Variants in CDH26 observed in about 807,000 individuals in gnomAD.
The protein encoded by CDH26 is cadherin-like protein 26.
CDH26 carries 83 observed loss-of-function variants against 90.3 expected under a neutral mutation model. That is an observed-to-expected ratio of 0.92 (90% CI 0.77 to 1.10). The LOEUF (loss-of-function observed/expected upper bound fraction) is 1.10, where lower values mean the gene tolerates loss of function less well. Among genes scored for constraint, CDH26 ranks in the 50% least tolerant of loss-of-function variants. CDH26 has a pLI of 0.00. For missense variants in CDH26, 1,013 were observed against 1,037.6 expected, an observed-to-expected ratio of 0.98 and a Z score of 0.33; for synonymous variants, 397 against 396.3, an observed-to-expected ratio of 1.00 and a Z score of -0.02.
intron 4 of CDH26, among the ~76,000 whole-genome samples, chr20:59,974,654 G>T (rs1032388041): frequency 6.6e-6 from 1 of 152,154 alleles, no homozygotes; most frequent in Admixed American, 6.5e-5. Flanking sequence ...CCCATGTTCT[G>T]ATCCCCCAAA....
intron 3 of CDH26, among the ~76,000 whole-genome samples, chr20:59,970,956 G>A (rs924546141): frequency 6.6e-6 from 1 of 152,098 alleles, no homozygotes; most frequent in African/African-American, 2.4e-5. Context: ...ATTAGGCGGG[G>A]CTTGAGTTAC....
chr20:59,967,719 C>CTCTT (rs144930327), intron 1 of CDH26, among the ~76,000 whole-genome samples: 1,537 of 150,202 alleles, frequency 0.01, 14 homozygotes, highest in South Asian at 0.039. Context: ...ACCATTCTCT[C>CTCTT]TCTTTCTTTC....
At chr20:59,959,013 A>C (rs1003424437) in intron 1 of CDH26, among the ~76,000 whole-genome samples, 1 of 152,232 alleles carries the variant, frequency 6.6e-6, no homozygotes, top group Non-Finnish European at 1.5e-5. Flanking sequence ...CAGTGGGAGC[A>C]GGCTAAGGGA....
chr20:59,988,999 G>A lies in CDH26; in HGVS notation c.1119G>A (p.Pro373=), dbSNP rs763693105. The change falls in exon 9 of 18, where the codon CCG becomes CCA. Residue 373 remains proline, a synonymous_variant. Transcript: ENST00000348616. ...LVFCERGKLQ[P]PRKAAASATV... ...TCTGTGAGAGAGGAAAGCTTCAGCC[G>A]CCAAGGAAGGCAGCAGCCAGCGCCA... The A allele has an allele frequency of 8.7e-6, 14 of 1,614,032 alleles. No individual in the cohort carries two copies. The highest frequency in any genetic ancestry group is 1.6e-4 in the Middle Eastern group (1 of 6,084).
At chr20:59,983,741 T>G (rs938606688) in intron 5 of CDH26, among the ~76,000 whole-genome samples, 1 of 152,240 alleles carries the variant, frequency 6.6e-6, no homozygotes, top group Non-Finnish European at 1.5e-5. Context: ...TACATACATT[T>G]TTTCATCTTT....
chr20:60,009,552 C>G (rs2061802120), intron 17 of CDH26, among the ~76,000 whole-genome samples: 1 of 152,300 alleles, frequency 6.6e-6, no homozygotes, highest in Middle Eastern at 3.4e-3. Flanking sequence ...GCGGGCCCCC[C>G]TCCTCCCTCT....
At chr20:59,985,155 T>A in intron 7 of CDH26, 26 bp downstream of exon 7, 1 of 1,611,746 alleles carries the variant, frequency 6.2e-7, no homozygotes, top group Non-Finnish European at 8.5e-7. Context: ...CGCCCCAACG[T>A]CTAAGCCCCA....
intron 9 of CDH26, among the ~76,000 whole-genome samples, chr20:59,990,933 A>G (rs1300777003): frequency 2.0e-5 from 3 of 150,770 alleles, no homozygotes; most frequent in Non-Finnish European, 4.4e-5. Flanking sequence ...GCAGTGGCAT[A>G]ATCTTGACTC....
chr20:60,016,136 T>A (rs774620663), downstream of CDH26, among the ~76,000 whole-genome samples: 5 of 152,144 alleles, frequency 3.3e-5, no homozygotes, highest in Non-Finnish European at 5.9e-5. Flanking sequence ...ATTTTAAGAT[T>A]TTTTTTTCTA....
At position 59,972,103 on chromosome 20, in the gene CDH26, G is replaced by C. The variant is rs1229345211; in HGVS notation, c.373G>C (p.Glu125Gln). The stretch of plus-strand genomic sequence containing the variant: ...ATATGTTCACCGCCCTGTCGATCGA[G>C]AAATGACACCATCTTTCACGGTATC... ...RIYVHRPVDR[E>Q]MTPSFTVYFD... Residue 125 changes from glutamate (E) to glutamine (Q), a missense_variant, in exon 4 of 18, where the codon GAA (glutamate) becomes CAA (glutamine). Coordinates refer to ENST00000348616, the MANE Select transcript of CDH26 (RefSeq NM_177980.4). The C allele has an allele frequency of 3.7e-6, 6 of 1,613,662 alleles. No individual in the cohort carries two copies. Among genetic ancestry groups the C allele is most frequent in the Non-Finnish European group, 5.1e-6 (6 of 1,179,908 alleles).
chr20:59,968,865 GT>G (rs1485068661), intron 1 of CDH26, 101 bp from the exon 2 acceptor site: 3 of 555,858 alleles, frequency 5.4e-6, no homozygotes, highest in Non-Finnish European at 9.4e-6. Flanking sequence ...CAGAAGTTCT[GT>G]TTTCATCATT....
rs1284948857 is a variant in CDH26, at chr20:60,021,881, CACACACACACACACACAT to C, written c.948-9348_948-9331del. Among the ~76,000 whole-genome samples, 24 of 86,968 alleles carry C rather than the reference CACACACACACACACACAT, an allele frequency of 2.8e-4. 2 individuals are homozygous for C. Among genetic ancestry groups the C allele is most frequent in the Non-Finnish European group, 1.1e-4 (4 of 37,728 alleles). The allele number at this position is 86,968 out of a possible 152,430, so 57.1% of individuals were successfully genotyped here. ...ACACACACACACACACACACACACA[CACACACACACACACACAT>C]ATATATATATATATATATCCTGACT... On this transcript the variant is annotated intron_variant, in intron 7 of 8. Coordinates refer to the CDH26 transcript ENST00000370991.
intron 1 of CDH26, among the ~76,000 whole-genome samples, chr20:59,968,022 T>C (rs1375524479): frequency 1.1e-4 from 14 of 122,088 alleles, no homozygotes; most frequent in Admixed American, 2.4e-4. Flanking sequence ...TTCCTTTCTC[T>C]CTGTCTCTCT....
At chr20:59,977,824 A>C (rs1387305564) in intron 4 of CDH26, among the ~76,000 whole-genome samples, 1 of 152,188 alleles carries the variant, frequency 6.6e-6, no homozygotes, top group Non-Finnish European at 1.5e-5. Context: ...CACTCTTGGC[A>C]TCTTACGTTT....
intron 16 of CDH26, among the ~76,000 whole-genome samples, chr20:60,003,913 C>T (rs2061708064): frequency 6.6e-6 from 1 of 152,114 alleles, no homozygotes; most frequent in Admixed American, 6.6e-5. Context: ...GCAAAATCAC[C>T]CCAAGTCTAC....
downstream of CDH26, among the ~76,000 whole-genome samples, chr20:60,015,018 T>C (rs2061893348): frequency 6.6e-6 from 1 of 152,258 alleles, no homozygotes; most frequent in African/African-American, 2.4e-5. Context: ...AGTCTCACTT[T>C]ATTGCCCAGG....
At chr20:59,974,807 C>A (rs1350919210) in intron 4 of CDH26, among the ~76,000 whole-genome samples, 2 of 152,172 alleles carry the variant, frequency 1.3e-5, no homozygotes, top group Admixed American at 6.5e-5. Context: ...CTCTCCGTCT[C>A]ATTACCCTGT....
At position 59,985,141 on chromosome 20, in the gene CDH26, G is replaced by C. The variant is rs755938234; in HGVS notation, c.837+12G>C. 6.2e-7 allele frequency: 1 copy of C among 1,611,762 alleles called. No individual in the cohort carries two copies. Among genetic ancestry groups the C allele is most frequent in the South Asian group, 1.1e-5 (1 of 90,828 alleles). ...TTACCCAGGAGAACGTGAGGCTCCT[G>C]GGCCGCCCCAACGTCTAAGCCCCAA... On this transcript the variant is annotated intron_variant, in intron 7 of 17. Transcript: ENST00000348616.
chr20:59,994,204 T>C, intron 10 of CDH26, 46 bp from the exon 11 acceptor site: 1 of 1,611,548 alleles, frequency 6.2e-7, no homozygotes, highest in Non-Finnish European at 8.5e-7. Context: ...TCCAGAGCTG[T>C]GTGTGCACGA....
Sources: gnomAD v4.1 joint callset for allele counts (sites outside exome capture counted in the v4.1 genomes callset) on GRCh38, gnomAD v4.1.1 for gene constraint, MANE v1.5 for transcripts, NCBI Gene and HGNC (gene_info 2026-07-23, HGNC 2026-07-21) for gene names.